The following ZNF407 variants were observed in gnomAD, a reference collection of about 807,000 sequenced individuals.
ZNF407 encodes zinc finger protein 407.
Under a neutral mutation model 131.2 loss-of-function variants are expected in ZNF407, and 17 were observed. The ratio of observed to expected loss-of-function variants is 0.13; its 90% CI spans 0.09 to 0.19. ZNF407 has a LOEUF of 0.19. Ranked by LOEUF, ZNF407 falls within the 10% of genes least tolerant of loss-of-function variation. The pLI, the probability that ZNF407 is intolerant of heterozygous loss-of-function variation, is 1.00. For missense variants in ZNF407, 2,681 were observed against 2,830.6 expected, an observed-to-expected ratio of 0.95 and a Z score of 1.20; for synonymous variants, 1,156 against 1,062.0, an observed-to-expected ratio of 1.09 and a Z score of -1.72.
intron 4 of ZNF407, among the ~76,000 whole-genome samples, chr18:74,797,813 A>AT (rs200887738): frequency 0.029 from 4,091 of 141,080 alleles, 170 homozygotes; most frequent in African/African-American, 0.085. Flanking sequence ...GCTGCAAGGC[A>AT]TTTTTTTTTT....
chr18:74,740,769 C>T (rs950395932), intron 3 of ZNF407, among the ~76,000 whole-genome samples: 9 of 152,154 alleles, frequency 5.9e-5, no homozygotes, highest in African/African-American at 1.9e-4. Context: ...TGCTTCATCA[C>T]AGGTGGACCT....
intron 3 of ZNF407, among the ~76,000 whole-genome samples, chr18:74,664,634 A>G (rs1449720451): frequency 1.3e-5 from 2 of 152,180 alleles, no homozygotes; most frequent in Non-Finnish European, 2.9e-5. Context: ...AGTTGAAGAA[A>G]TAGCCTTAAA....
intron 8 of ZNF407, among the ~76,000 whole-genome samples, chr18:74,962,220 C>G (rs1408401668): frequency 6.6e-6 from 1 of 152,144 alleles, no homozygotes; most frequent in Non-Finnish European, 1.5e-5. Context: ...CAGAAACTTT[C>G]TTTTGAGTGT....
chr18:74,710,862 T>C (rs897986671), intron 3 of ZNF407, among the ~76,000 whole-genome samples: 3 of 152,216 alleles, frequency 2.0e-5, no homozygotes, highest in African/African-American at 7.2e-5. Flanking sequence ...ATGCAGTGAA[T>C]CTGAATGGAG....
intron 3 of ZNF407, among the ~76,000 whole-genome samples, chr18:74,677,815 T>G (rs79877504): frequency 6.6e-6 from 1 of 152,242 alleles, no homozygotes; most frequent in South Asian, 2.1e-4. Flanking sequence ...TTTTCTCTCA[T>G]TTTATGCTGG....
At chr18:74,806,203 C>T (rs1346416304) in intron 4 of ZNF407, among the ~76,000 whole-genome samples, 1 of 152,238 alleles carries the variant, frequency 6.6e-6, no homozygotes, top group African/African-American at 2.4e-5. Flanking sequence ...CAGGCCCACA[C>T]CTTGGCTAGG....
intron 1 of ZNF407, among the ~76,000 whole-genome samples, chr18:74,618,127 G>A (rs1983392268): frequency 6.6e-6 from 1 of 152,164 alleles, no homozygotes; most frequent in African/African-American, 2.4e-5. Context: ...AATTGTCCGA[G>A]ATTTGGTCAG....
chr18:74,635,631 G>A lies in ZNF407; in HGVS notation c.4612G>A (p.Val1538Ile), dbSNP rs777469567. The change falls in exon 2 of 9, where the codon GTC becomes ATC. Residue 1538 changes from valine (V) to isoleucine (I), a missense_variant. This residue lies in a region of ZNF407 where 213 missense variants were observed against 332.2 expected (regional missense o/e 0.64). Transcript: ENST00000299687. The surrounding 1 kb of genome is among the most constrained non-coding windows in gnomAD (Gnocchi z 4.7). The stretch of plus-strand genomic sequence containing the variant: ...CGAGAGGGAGGAAAACCAGGGAAAC[G>A]TCTGCAAGTATTGTGGGAAGATGTG... ...NREREENQGN[V>I]CKYCGKMCRS... 26 of 1,613,284 alleles carry A rather than the reference G, an allele frequency of 1.6e-5. No individual in the cohort carries two copies. The highest frequency in any genetic ancestry group is 1.9e-5 in the Non-Finnish European group (23 of 1,179,612).
rs369578070 is a variant in ZNF407, at chr18:75,063,478, A to G, written c.5757A>G (p.Ala1919=). 1 of 1,602,164 alleles carries G rather than the reference A, an allele frequency of 6.2e-7. No homozygotes were observed. Among genetic ancestry groups the G allele is most frequent in the Non-Finnish European group, 8.5e-7 (1 of 1,175,804 alleles). The change falls in exon 9 of 9, where the codon GCA becomes GCG. Residue 1919 remains alanine, a synonymous_variant. Coordinates refer to ENST00000299687, the MANE Select transcript of ZNF407 (RefSeq NM_017757.3). This position sits in a 1 kb window ranked among gnomAD's most constrained non-coding sequence, Gnocchi z 6.6. ...TCATCGCCACGAGTCAGAGCGGGGCACATGTAGGCAGCGTGGTGCCCGGAC... is the reference window on the plus strand; with the variant it reads ...TCATCGCCACGAGTCAGAGCGGGGCGCATGTAGGCAGCGTGGTGCCCGGAC... ...GQVIATSQSG[A]HVGSVVPGPI...
intron 8 of ZNF407, among the ~76,000 whole-genome samples, chr18:75,030,219 C>T (rs1368240342): frequency 6.6e-6 from 1 of 152,108 alleles, no homozygotes; most frequent in Non-Finnish European, 1.5e-5. Context: ...AAATTTTGTC[C>T]ATGAACTTCA....
chr18:74,776,623 T>A (rs913029389), intron 3 of ZNF407, among the ~76,000 whole-genome samples: 3 of 152,170 alleles, frequency 2.0e-5, no homozygotes, highest in Non-Finnish European at 4.4e-5. Flanking sequence ...GTTGTCATCC[T>A]GAAGAACAGT....
chr18:74,888,172 A>G (rs957408690), intron 6 of ZNF407, among the ~76,000 whole-genome samples: 30 of 152,214 alleles, frequency 2.0e-4, no homozygotes, highest in African/African-American at 5.5e-4. Flanking sequence ...GAACATATGT[A>G]AAATTAATCC....
intron 3 of ZNF407, among the ~76,000 whole-genome samples, chr18:74,707,614 A>G (rs1967657097): frequency 6.6e-6 from 1 of 152,150 alleles, no homozygotes; most frequent in African/African-American, 2.4e-5. Flanking sequence ...CTCAGCTTGT[A>G]TTTCAAGGAA....
chr18:75,057,184 A>G lies in ZNF407; in HGVS notation c.5429-5966A>G, dbSNP rs1188066782. Among the ~76,000 whole-genome samples, 4 of 152,212 alleles carry G rather than the reference A, an allele frequency of 2.6e-5. No individual in the cohort carries two copies. In the South Asian group the frequency reaches 6.2e-4, roughly 24 times the overall value. On this transcript the variant is annotated intron_variant, in intron 8 of 8. Coordinates refer to ENST00000299687, the MANE Select transcript of ZNF407 (RefSeq NM_017757.3). Reference sequence around the variant, plus strand: ...CCAGTGTCTGAGATGTAACCTAGCAATGTATCAACATTTAGTACCATTTCA... The same window carrying G: ...CCAGTGTCTGAGATGTAACCTAGCAGTGTATCAACATTTAGTACCATTTCA...
chr18:74,676,695 G>A (rs12962529), intron 3 of ZNF407, among the ~76,000 whole-genome samples: 13,793 of 151,492 alleles, frequency 0.091, 809 homozygotes, highest in African/African-American at 0.16. Flanking sequence ...TGGCCTCCCA[G>A]AATGCTGGGA....
At chr18:74,830,187 G>C (rs1159010812) in intron 4 of ZNF407, among the ~76,000 whole-genome samples, 1 of 152,202 alleles carries the variant, frequency 6.6e-6, no homozygotes, top group African/African-American at 2.4e-5. Context: ...GAGAAAATAA[G>C]TATTTGCTGT....
At chr18:74,920,270 G>A (rs939158309) in intron 7 of ZNF407, among the ~76,000 whole-genome samples, 1 of 152,120 alleles carries the variant, frequency 6.6e-6, no homozygotes, top group East Asian at 1.9e-4. Flanking sequence ...AATAGTGCTT[G>A]GGATTTGGTA....
chr18:75,002,273 G>C (rs1482810042), intron 8 of ZNF407, among the ~76,000 whole-genome samples: 1 of 152,188 alleles, frequency 6.6e-6, no homozygotes, highest in East Asian at 1.9e-4. Flanking sequence ...TCTAAATGCA[G>C]GTTTTCTAAG....
chr18:74,739,218 A>T (rs190724631), intron 3 of ZNF407, among the ~76,000 whole-genome samples: 1 of 151,504 alleles, frequency 6.6e-6, no homozygotes, highest in African/African-American at 2.4e-5. Flanking sequence ...ATAGATGTGT[A>T]TTTGAATTTA....
Sources: allele counts gnomAD v4.1 joint callset (sites outside exome capture counted in the v4.1 genomes callset), GRCh38; gene constraint gnomAD v4.1.1; regional missense constraint gnomAD v4.1.1; non-coding constraint Gnocchi (gnomAD v3.1); transcripts MANE v1.5; gene names NCBI Gene and HGNC (gene_info 2026-07-23, HGNC 2026-07-21).